The following PMFBP1 variants were observed in gnomAD, a reference collection of about 807,000 sequenced individuals.
PMFBP1 encodes the protein polyamine-modulated factor 1-binding protein 1.
PMFBP1 carries 131 observed loss-of-function variants against 137.8 expected under a neutral mutation model. The ratio of observed to expected loss-of-function variants is 0.95; its 90% CI spans 0.82 to 1.10. The LOEUF (loss-of-function observed/expected upper bound fraction) is 1.10, where lower values mean the gene tolerates loss of function less well. PMFBP1 is among the 50% of genes least tolerant of loss of function. The pLI, the probability that PMFBP1 is intolerant of heterozygous loss-of-function variation, is 0.00. For synonymous variants in PMFBP1, 490 were observed against 450.4 expected, an observed-to-expected ratio of 1.09 and a Z score of -1.11; for missense variants, 1,199 against 1,175.4, an observed-to-expected ratio of 1.02 and a Z score of -0.29.
intron 9 of PMFBP1, among the ~76,000 whole-genome samples, chr16:72,133,753 A>C (rs886343931): frequency 1.3e-5 from 2 of 152,184 alleles, no homozygotes; most frequent in East Asian, 3.9e-4. Context: ...GGTCACGGCC[A>C]TGCCAGGGAA....
the PMFBP1 span, among the ~76,000 whole-genome samples, chr16:72,211,610 A>G: frequency 6.6e-6 from 1 of 152,236 alleles, no homozygotes; most frequent in Non-Finnish European, 1.5e-5. Context: ...AAAGAAAAAA[A>G]CCTTCTAGTT....
Position 72,164,747 on chromosome 16 carries a change from G to C in PMFBP1, c.165+17C>G. 6.3e-7 allele frequency: 1 copy of C among 1,575,268 alleles called. No individual in the cohort carries two copies. The highest frequency in any genetic ancestry group is 8.7e-7 in the Non-Finnish European group (1 of 1,154,962). On this transcript the variant is annotated intron_variant, in intron 3 of 20. Coordinates refer to ENST00000237353, the MANE Select transcript of PMFBP1 (RefSeq NM_031293.3). ...GTCAAGAGAGCAGGGGTGAGCGGCT[G>C]CTGCCAAGTCCCTTACGTGGCTGCT...
At chr16:72,199,756 C>T in the PMFBP1 span, among the ~76,000 whole-genome samples, 29 of 151,568 alleles carry the variant, frequency 1.9e-4, no homozygotes, top group Non-Finnish European at 3.5e-4. Context: ...GTCGGTCCCT[C>T]TAGTGATAGA....
At chr16:72,208,850 G>T in the PMFBP1 span, among the ~76,000 whole-genome samples, 1 of 152,160 alleles carries the variant, frequency 6.6e-6, no homozygotes, top group African/African-American at 2.4e-5. Context: ...TGTCAGCTGG[G>T]GCAGGTGGTA....
At chr16:72,242,513 C>T in the PMFBP1 span, among the ~76,000 whole-genome samples, 1 of 152,178 alleles carries the variant, frequency 6.6e-6, no homozygotes, top group Non-Finnish European at 1.5e-5. Context: ...TTTTCACTAG[C>T]TATCAAAATT....
the PMFBP1 span, among the ~76,000 whole-genome samples, chr16:72,189,237 G>C: frequency 3.3e-5 from 5 of 152,150 alleles, no homozygotes; most frequent in African/African-American, 4.8e-5. Flanking sequence ...ATGTTCCCAA[G>C]GCTACACAGC....
chr16:72,194,151 G>C, the PMFBP1 span, among the ~76,000 whole-genome samples: 1 of 152,088 alleles, frequency 6.6e-6, no homozygotes, highest in Non-Finnish European at 1.5e-5. Context: ...TTTACATATT[G>C]TACCATGTTT....
the PMFBP1 span, among the ~76,000 whole-genome samples, chr16:72,233,550 T>A: frequency 6.6e-6 from 1 of 152,306 alleles, no homozygotes; most frequent in Middle Eastern, 3.4e-3. Context: ...TTATTTCTGT[T>A]TTTATAACAA....
intron 5 of PMFBP1, among the ~76,000 whole-genome samples, chr16:72,148,483 A>G (rs1208565653): frequency 6.6e-6 from 1 of 152,226 alleles, no homozygotes; most frequent in Non-Finnish European, 1.5e-5. Context: ...ACAAACCTGC[A>G]CGTTGTGCAC....
intron 3 of PMFBP1, among the ~76,000 whole-genome samples, chr16:72,155,757 T>C (rs2042970999): frequency 6.6e-6 from 1 of 152,166 alleles, no homozygotes; most frequent in Non-Finnish European, 1.5e-5. Flanking sequence ...TGCAACTCAG[T>C]GACTTGTAAT....
intron 10 of PMFBP1, among the ~76,000 whole-genome samples, chr16:72,132,411 G>T (rs975687148): frequency 6.6e-6 from 1 of 152,168 alleles, no homozygotes; most frequent in African/African-American, 2.4e-5. Context: ...GAAGTGAATT[G>T]TGTGATGAGG....
chr16:72,124,774 T>A lies in PMFBP1; in HGVS notation c.2582A>T (p.Asp861Val), dbSNP rs1391457159. Residue 861 changes from aspartate to valine, a missense_variant, in exon 17 of 21, where the codon GAT becomes GTT. Coordinates refer to ENST00000237353, the MANE Select transcript of PMFBP1 (RefSeq NM_031293.3). ...AALKENLLED[D>V]KEPCCLPQWS... ...AAGCCAAGGCATGCCCACCTCCTTATCGTCCTCAAGGAGGTTCTCTTTTAA... is the reference window on the plus strand; with the variant it reads ...AAGCCAAGGCATGCCCACCTCCTTAACGTCCTCAAGGAGGTTCTCTTTTAA... The A allele has an allele frequency of 6.2e-7, 1 of 1,613,752 alleles. No individual in the cohort carries two copies.
chr16:72,170,389 T>G (rs1349785600), intron 2 of PMFBP1, among the ~76,000 whole-genome samples: 1 of 152,052 alleles, frequency 6.6e-6, no homozygotes, highest in Non-Finnish European at 1.5e-5. Flanking sequence ...AAAGTCCCCT[T>G]AAATCCTTTC....
At chr16:72,153,142 C>T (rs2042928164) in intron 4 of PMFBP1, among the ~76,000 whole-genome samples, 1 of 152,190 alleles carries the variant, frequency 6.6e-6, no homozygotes, top group Admixed American at 6.5e-5. Flanking sequence ...TGTAGTGAAC[C>T]ACTAAGTTTT....
In PMFBP1 at chr16:72,140,598, A is replaced by G; in HGVS notation, c.637-16T>C. The G allele has an allele frequency of 6.2e-7, 1 of 1,606,560 alleles. No homozygotes were observed. The highest frequency in any genetic ancestry group is 8.5e-7 in the Non-Finnish European group (1 of 1,174,624). ...TCTCAGGCTCCTGAGAGATTTAAAA[A>G]TAATGGGTTGATTTTGCTTATAGTT... On this transcript the variant is annotated splice_polypyrimidine_tract_variant and intron_variant, in intron 5 of 20. Transcript: ENST00000237353.
chr16:72,161,284 G>C (rs1044710738), intron 3 of PMFBP1, among the ~76,000 whole-genome samples: 1 of 151,858 alleles, frequency 6.6e-6, no homozygotes, highest in Non-Finnish European at 1.5e-5. Context: ...TTTTAGTAGA[G>C]ATGGGGTTTT....
the PMFBP1 span, among the ~76,000 whole-genome samples, chr16:72,244,125 A>G: frequency 6.6e-6 from 1 of 152,214 alleles, no homozygotes; most frequent in Non-Finnish European, 1.5e-5. Flanking sequence ...CAAATGCAGA[A>G]GAAATAAAAA....
the PMFBP1 span, among the ~76,000 whole-genome samples, chr16:72,198,937 A>G: frequency 6.6e-6 from 1 of 151,834 alleles, no homozygotes; most frequent in Admixed American, 6.6e-5. Context: ...TCTCATATGG[A>G]CAGTCTCAAG....
chr16:72,210,306 G>A, the PMFBP1 span, among the ~76,000 whole-genome samples: 2 of 152,198 alleles, frequency 1.3e-5, no homozygotes, highest in Non-Finnish European at 2.9e-5. Flanking sequence ...GCAGACAGAT[G>A]ACTTATAGAG....
Sources: allele counts gnomAD v4.1 joint callset (sites outside exome capture counted in the v4.1 genomes callset), GRCh38; gene constraint gnomAD v4.1.1; transcripts MANE v1.5; gene names NCBI Gene and HGNC (gene_info 2026-07-23, HGNC 2026-07-21).